Variants in NOS1AP observed in about 807,000 individuals in gnomAD.
The protein encoded by NOS1AP is nitric oxide synthase 1 adaptor protein, also known as carboxyl-terminal PDZ ligand of neuronal nitric oxide synthase protein.
A neutral mutation model predicts 56.2 loss-of-function variants in NOS1AP; 21 were observed. The ratio of observed to expected loss-of-function variants is 0.37; its 90% CI spans 0.26 to 0.54. The LOEUF (loss-of-function observed/expected upper bound fraction) is 0.54, where lower values mean the gene tolerates loss of function less well. Ranked by LOEUF, NOS1AP falls within the 20% of genes least tolerant of loss-of-function variation. The probability of loss-of-function intolerance (pLI) is 0.84; values close to 1 mark genes in which losing one functional copy is unlikely to be tolerated. For missense variants in NOS1AP, 522 were observed against 657.8 expected, an observed-to-expected ratio of 0.79 and a Z score of 2.26; for synonymous variants, 270 against 274.6, an observed-to-expected ratio of 0.98 and a Z score of 0.17.
chr1:162,152,516 G>C (rs1001292139), intron 1 of NOS1AP, among the ~76,000 whole-genome samples: 1 of 152,232 alleles, frequency 6.6e-6, no homozygotes, highest in African/African-American at 2.4e-5. Flanking sequence ...AGACTGTACC[G>C]CCTCAGCAGA....
intron 2 of NOS1AP, among the ~76,000 whole-genome samples, chr1:162,268,945 TAAG>T (rs1654506754): frequency 6.6e-6 from 1 of 152,092 alleles, no homozygotes; most frequent in Non-Finnish European, 1.5e-5. Flanking sequence ...GAAACTGGCC[TAAG>T]AACCAATACA....
chr1:162,343,616 A>G (rs1214863502), intron 5 of NOS1AP, among the ~76,000 whole-genome samples: 1 of 152,236 alleles, frequency 6.6e-6, no homozygotes, highest in Non-Finnish European at 1.5e-5. Context: ...CATATTTGCT[A>G]TCTGTCCTTT....
chr1:162,146,248 A>C (rs1173773529), intron 1 of NOS1AP, among the ~76,000 whole-genome samples: 1 of 152,176 alleles, frequency 6.6e-6, no homozygotes, highest in Non-Finnish European at 1.5e-5. Context: ...TCTTGTTCTT[A>C]ATGATAGTTA....
Position 162,078,359 on chromosome 1 carries a change from A to C in NOS1AP, c.105+8077A>C, listed in dbSNP as rs376710886. On this transcript the variant is annotated intron_variant, in intron 1 of 9. Coordinates refer to ENST00000361897, the MANE Select transcript of NOS1AP (RefSeq NM_014697.3). ...ATCCTCTTGGGCACATGGGCCTGAC[A>C]CTTTAAAGTACCCCTTGTATTCTTT... Among the ~76,000 whole-genome samples the C allele has an allele frequency of 1.4e-4, 21 of 152,248 alleles. 3 individuals are homozygous for C. The highest frequency in any genetic ancestry group is 5.1e-4 in the African/African-American group (21 of 41,532).
chr1:162,334,455 C>T (rs916640266), intron 5 of NOS1AP, among the ~76,000 whole-genome samples: 10 of 152,108 alleles, frequency 6.6e-5, no homozygotes, highest in Non-Finnish European at 7.4e-5. Flanking sequence ...AAGCCATAGG[C>T]GCTGGAGATG....
chr1:162,109,079 C>T (rs544638846), intron 1 of NOS1AP, among the ~76,000 whole-genome samples: 74 of 152,286 alleles, frequency 4.9e-4, no homozygotes, highest in Non-Finnish European at 9.0e-4. Flanking sequence ...ATTTATAAAA[C>T]CATCAGATGT....
At chr1:162,121,082 A>ATTTTTT (rs372854857) in intron 1 of NOS1AP, among the ~76,000 whole-genome samples, 1 of 103,066 alleles carries the variant, frequency 9.7e-6, no homozygotes. Context: ...GCACACTAGG[A>ATTTTTT]TTTTTTTTTT....
chr1:162,103,830 C>G (rs575191147), intron 1 of NOS1AP, among the ~76,000 whole-genome samples: 2 of 151,074 alleles, frequency 1.3e-5, no homozygotes, highest in East Asian at 3.9e-4. Context: ...TGTCTTTGCA[C>G]ACAGCATACC....
intron 1 of NOS1AP, among the ~76,000 whole-genome samples, chr1:162,121,515 T>C (rs1648233335): frequency 6.6e-6 from 1 of 152,114 alleles, no homozygotes; most frequent in Non-Finnish European, 1.5e-5. Flanking sequence ...GTGACAGATA[T>C]GGCATCTCCA....
At chr1:162,299,337 T>C (rs1464148884) in intron 3 of NOS1AP, among the ~76,000 whole-genome samples, 1 of 152,172 alleles carries the variant, frequency 6.6e-6, no homozygotes, top group Non-Finnish European at 1.5e-5. Flanking sequence ...ATCCAGTTCA[T>C]TTTACCAGGT....
At chr1:162,117,012 T>C (rs1647987693) in intron 1 of NOS1AP, among the ~76,000 whole-genome samples, 1 of 152,200 alleles carries the variant, frequency 6.6e-6, no homozygotes, top group South Asian at 2.1e-4. Context: ...TCAAATTCAT[T>C]TCATTTCTTA....
chr1:162,139,896 C>T (rs1649163812), intron 1 of NOS1AP, among the ~76,000 whole-genome samples: 2 of 151,782 alleles, frequency 1.3e-5, no homozygotes, highest in Admixed American at 6.6e-5. Context: ...TGTGTGATCT[C>T]GACTCACTGC....
intron 1 of NOS1AP, among the ~76,000 whole-genome samples, chr1:162,094,380 T>C (rs1179991670): frequency 6.6e-6 from 1 of 152,192 alleles, no homozygotes; most frequent in Non-Finnish European, 1.5e-5. Flanking sequence ...TCTGGTCTGA[T>C]TGAAATGTTG....
intron 2 of NOS1AP, among the ~76,000 whole-genome samples, chr1:162,219,428 A>T (rs1400472934): frequency 6.6e-6 from 1 of 152,040 alleles, no homozygotes; most frequent in Non-Finnish European, 1.5e-5. Flanking sequence ...TTTCTTTTTT[A>T]AACAGCTATC....
Position 162,369,523 on chromosome 1 carries a change from G to C in NOS1AP, c.*2056G>C, listed in dbSNP as rs1283405011. The C allele has an allele frequency of 6.6e-6, 1 of 152,408 alleles. No homozygotes were observed. The highest frequency in any genetic ancestry group is 2.4e-5 in the African/African-American group (1 of 41,444). The allele number at this position is 152,408 out of a possible 1,614,324, so 9.4% of individuals were successfully genotyped here. A position where few individuals can be genotyped will look rare whatever the true frequency, so the allele number is the denominator to read the frequency against. ...CAGAGGCCAGTGGATTAGGTGTATG[G>C]AATGTGGATGGAGAGGGCTTGTGTG... On this transcript the variant is annotated 3_prime_UTR_variant, in exon 10 of 10. Transcript: ENST00000361897.
chr1:162,216,856 T>A (rs1440357274), intron 2 of NOS1AP, among the ~76,000 whole-genome samples: 2 of 152,222 alleles, frequency 1.3e-5, no homozygotes, highest in Non-Finnish European at 2.9e-5. Flanking sequence ...TCTTCTTCTA[T>A]CCAATGAGTA....
chr1:162,125,175 C>T (rs527412020), intron 1 of NOS1AP, among the ~76,000 whole-genome samples: 2 of 146,380 alleles, frequency 1.4e-5, no homozygotes, highest in East Asian at 3.9e-4. Context: ...ACACTCTCAC[C>T]TGGGCTGGAG....
chr1:162,315,188 TAGAGTAAAGGGCC>T (rs371452617), intron 4 of NOS1AP, among the ~76,000 whole-genome samples: 200 of 152,316 alleles, frequency 1.3e-3, no homozygotes, highest in Middle Eastern at 6.8e-3. Context: ...TGTGAAGGCC[TAGAGTAAAGGGCC>T]AGAGTAAAGG....
intron 2 of NOS1AP, among the ~76,000 whole-genome samples, chr1:162,282,912 C>G (rs1245624797): frequency 2.0e-5 from 3 of 152,096 alleles, no homozygotes; most frequent in African/African-American, 7.2e-5. Context: ...CATCTGTAAG[C>G]ATTGCAGAGA....
Sources: allele counts gnomAD v4.1 joint callset (sites outside exome capture counted in the v4.1 genomes callset), GRCh38; gene constraint gnomAD v4.1.1; transcripts MANE v1.5; gene names NCBI Gene and HGNC (gene_info 2026-07-23, HGNC 2026-07-21).